Variants in CNDP1 observed in about 807,000 individuals in gnomAD.
The protein encoded by CNDP1 is beta-Ala-His dipeptidase.
Under a neutral mutation model 58.1 loss-of-function variants are expected in CNDP1, and 44 were observed. The observed-to-expected ratio is 0.76, with a 90% CI of 0.60 to 0.97. CNDP1 has a LOEUF of 0.97. Among genes scored for constraint, CNDP1 ranks in the 50% least tolerant of loss-of-function variants. The probability of loss-of-function intolerance (pLI) is 0.00; values close to 1 mark genes in which losing one functional copy is unlikely to be tolerated. For missense variants in CNDP1, 616 were observed against 655.1 expected, an observed-to-expected ratio of 0.94 and a Z score of 0.65; for synonymous variants, 254 against 252.6, an observed-to-expected ratio of 1.01 and a Z score of -0.05.
At chr18:74,556,492 C>T in intron 2 of CNDP1, 26 bp downstream of exon 2, 1 of 1,612,760 alleles carries the variant, frequency 6.2e-7, no homozygotes, top group African/African-American at 1.3e-5. Flanking sequence ...TACACAACTA[C>T]ACACAGAATG....
chr18:74,585,604 A>G lies in CNDP1; in HGVS notation c.*1042A>G, dbSNP rs1019619708. The stretch of plus-strand genomic sequence containing the variant: ...TTTTTCTACAGTTGAGTGTATATAA[A>G]CAAAATCAATCTTTATGAATTTATT... On this transcript the variant is annotated 3_prime_UTR_variant, in exon 12 of 12. Transcript: ENST00000358821. 6.6e-6 allele frequency: 1 copy of G among 152,230 alleles called. No homozygotes were observed. Among genetic ancestry groups the G allele is most frequent in the Non-Finnish European group, 1.5e-5 (1 of 68,038 alleles). 9.4% of individuals were successfully genotyped at this position (152,230 alleles called of 1,614,324 possible).
chr18:74,545,521 C>T lies in CNDP1; in HGVS notation c.25-10817C>T, dbSNP rs980667733. 4.6e-5 allele frequency among the ~76,000 whole-genome samples: 7 copies of T among 152,176 alleles called. No homozygotes were observed. Among genetic ancestry groups the T allele is most frequent in the African/African-American group, 1.2e-4 (5 of 41,442 alleles). ...TGCTGTCTGCATTTTGGTGTCTCCA[C>T]CTTGGCCCACGGTCCCACCAAAACC... On this transcript the variant is annotated intron_variant, in intron 1 of 11. Transcript: ENST00000358821. This position sits in a 1 kb window ranked among gnomAD's most constrained non-coding sequence, Gnocchi z 4.1.
chr18:74,579,583 G>A (rs939993354), intron 9 of CNDP1, among the ~76,000 whole-genome samples: 5 of 152,144 alleles, frequency 3.3e-5, no homozygotes, highest in East Asian at 1.9e-4. Context: ...GCACCTCCCC[G>A]GGAGACTCTC....
At chr18:74,567,593 G>A (rs868149010) in intron 6 of CNDP1, among the ~76,000 whole-genome samples, 160 bp downstream of exon 6, 1 of 152,134 alleles carries the variant, frequency 6.6e-6, no homozygotes, top group African/African-American at 2.4e-5. Flanking sequence ...GGGTGCAGAG[G>A]TCTTGGGGTT....
chr18:74,561,038 T>TA lies in CNDP1; in HGVS notation c.466+21dup. 1 of 1,607,444 alleles carries TA rather than the reference T, an allele frequency of 6.2e-7. No homozygotes were observed. The highest frequency in any genetic ancestry group is 2.2e-5 in the East Asian group (1 of 44,684). On this transcript the variant is annotated intron_variant, in intron 4 of 11. Transcript: ENST00000358821. ...TAGACGGTCAGTGAGGCGCCCGGGC[T>TA]ACAGTGCGGTGCTGCTGTGCTTGCA...
chr18:74,567,236 C>T lies in CNDP1; in HGVS notation c.559C>T (p.Leu187Phe), dbSNP rs771034260. Residue 187 changes from leucine (L) to phenylalanine (F), a missense_variant, in exon 6 of 12, where the codon CTT (leucine) becomes TTT (phenylalanine). Leu to Phe is a conservative substitution (Grantham distance 22). Coordinates refer to ENST00000358821, the MANE Select transcript of CNDP1 (RefSeq NM_032649.6). Reference sequence around the variant, plus strand: ...TTTTTCTTCTGTTGTTACTTAGGATCTTCCTGTGAATATCAAATTCATCAT... The same window carrying T: ...TTTTTCTTCTGTTGTTACTTAGGATTTTCCTGTGAATATCAAATTCATCAT... ...VSAFRALEQDLPVNIKFIIEG... is the reference protein window; with the variant it reads ...VSAFRALEQDFPVNIKFIIEG... The T allele has an allele frequency of 6.2e-7, 1 of 1,613,766 alleles. No homozygotes were observed. The highest frequency in any genetic ancestry group is 8.5e-7 in the Non-Finnish European group (1 of 1,179,670).
chr18:74,574,217 C>T (rs567596511), intron 7 of CNDP1, among the ~76,000 whole-genome samples: 2 of 152,350 alleles, frequency 1.3e-5, no homozygotes, highest in East Asian at 1.9e-4. Context: ...TGATCATGAA[C>T]AGACAATAAA....
At chr18:74,556,208 G>A in intron 1 of CNDP1, 130 bp from the exon 2 acceptor site, 3 of 956,408 alleles carry the variant, frequency 3.1e-6, no homozygotes, top group Non-Finnish European at 4.7e-6. Context: ...CTACCGCCTT[G>A]TGTTATTTTA....
At chr18:74,571,045 C>A in intron 6 of CNDP1, 141 bp from the exon 7 acceptor site, 2 of 590,202 alleles carry the variant, frequency 3.4e-6, no homozygotes, top group Admixed American at 2.8e-5. Flanking sequence ...GACTGAGAAA[C>A]ACAGAAAGTG....
At chr18:74,576,122 C>T (rs960478641) in intron 7 of CNDP1, 3 of 151,762 alleles carry the variant, frequency 2.0e-5, no homozygotes, top group Non-Finnish European at 4.4e-5. Flanking sequence ...CCTGCCTCGG[C>T]CTCCCAAACT....
In CNDP1 at chr18:74,567,428, G is replaced by C; in HGVS notation, c.751G>C (p.Val251Leu). The change falls in exon 6 of 12, where the codon GTG becomes CTG. Residue 251 changes from valine (V) to leucine (L), a missense_variant. Physicochemically the swap from Val to Leu is conservative, Grantham distance 32. Transcript: ENST00000358821. ...AACCCGGGGGAACAGCTACTTCATG[G>C]TGGAGGTATCCACAGAGAGCAGTGC... ...YGTRGNSYFM[V>L]EVKCRDQDFH... is the part of the protein sequence containing the mutation. 1.2e-6 allele frequency: 2 copies of C among 1,613,626 alleles called. No homozygotes were observed. The highest frequency in any genetic ancestry group is 1.7e-6 in the Non-Finnish European group (2 of 1,179,552).
At chr18:74,540,015 A>C (rs1239631177) in intron 1 of CNDP1, among the ~76,000 whole-genome samples, 1 of 152,204 alleles carries the variant, frequency 6.6e-6, no homozygotes, top group African/African-American at 2.4e-5. Flanking sequence ...ATAAAATAGC[A>C]ATAATTCCTT....
At position 74,545,911 on chromosome 18, in the gene CNDP1, T is replaced by G. The variant is rs986099885; in HGVS notation, c.25-10427T>G. Among the ~76,000 whole-genome samples the G allele has an allele frequency of 6.6e-6, 1 of 152,138 alleles. No individual in the cohort carries two copies. Among genetic ancestry groups the G allele is most frequent in the Non-Finnish European group, 1.5e-5 (1 of 68,026 alleles). On this transcript the variant is annotated intron_variant, in intron 1 of 11. Transcript: ENST00000358821. This position sits in a 1 kb window ranked among gnomAD's most constrained non-coding sequence, Gnocchi z 4.1. ...ACAGCCTCATGGATCCCTTAGGATT[T>G]ACACCTCTCACCCCTCAAAACCGAG...
rs748099948 is a variant in CNDP1, at chr18:74,583,576, C to G, written c.1325C>G (p.Pro442Arg). 3.1e-6 allele frequency: 5 copies of G among 1,614,054 alleles called. No homozygotes were observed. The highest frequency in any genetic ancestry group is 2.2e-5 in the South Asian group (2 of 91,070). Residue 442 changes from proline (P) to arginine (R), a missense_variant, in exon 11 of 12, where the codon CCA (proline) becomes CGA (arginine). Physicochemically the swap from Pro to Arg is moderately radical, Grantham distance 103 (BLOSUM62 -2). Coordinates refer to ENST00000358821, the MANE Select transcript of CNDP1 (RefSeq NM_032649.6). ...RAIRTVFGTE[P>R]DMIRDGSTIP... ...CCTGTCTCAGTGTTTGGAACAGAACCAGATATGATCCGGGATGGATCCACC... is the reference window on the plus strand; with the variant it reads ...CCTGTCTCAGTGTTTGGAACAGAACGAGATATGATCCGGGATGGATCCACC...
intron 1 of CNDP1, among the ~76,000 whole-genome samples, chr18:74,547,003 A>G (rs1980776477): frequency 6.6e-6 from 1 of 152,164 alleles, no homozygotes; most frequent in Non-Finnish European, 1.5e-5. Context: ...TTTCTCCAGG[A>G]TGCTGGCTGA....
At chr18:74,559,581 CCATAACCCCA>C in intron 3 of CNDP1, 109 bp downstream of exon 3, 1 of 935,950 alleles carries the variant, frequency 1.1e-6, no homozygotes, top group South Asian at 1.8e-5. Flanking sequence ...CCACAACCCC[CCATAACCCCA>C]ATTCCCAATG....
chr18:74,564,203 C>A (rs371639077), intron 5 of CNDP1, among the ~76,000 whole-genome samples: 1 of 152,076 alleles, frequency 6.6e-6, no homozygotes, highest in African/African-American at 2.4e-5. Flanking sequence ...ACAGTGTGTG[C>A]GGTGTCGTTT....
At chr18:74,558,089 C>T (rs1250196269) in intron 2 of CNDP1, among the ~76,000 whole-genome samples, 1 of 152,202 alleles carries the variant, frequency 6.6e-6, no homozygotes, top group African/African-American at 2.4e-5. Context: ...CACAATATTC[C>T]TAAGGGTTAG....
chr18:74,583,286 C>T (rs1034543459), intron 10 of CNDP1, among the ~76,000 whole-genome samples: 1 of 152,184 alleles, frequency 6.6e-6, no homozygotes, highest in Admixed American at 6.5e-5. Context: ...GGATTACAGG[C>T]ATGAGCCACT....
Sources: allele counts gnomAD v4.1 joint callset (sites outside exome capture counted in the v4.1 genomes callset), GRCh38; gene constraint gnomAD v4.1.1; non-coding constraint Gnocchi (gnomAD v3.1); transcripts MANE v1.5; gene names NCBI Gene and HGNC (gene_info 2026-07-23, HGNC 2026-07-21).